Variants in GSE1 observed in about 807,000 individuals in gnomAD.
GSE1 encodes genetic suppressor element 1.
A neutral mutation model predicts 112.6 loss-of-function variants in GSE1; 32 were observed. The observed-to-expected ratio is 0.28, with a 90% CI of 0.21 to 0.38. The LOEUF (loss-of-function observed/expected upper bound fraction) is 0.38, where lower values mean the gene tolerates loss of function less well. Among genes scored for constraint, GSE1 ranks in the 10% least tolerant of loss-of-function variants. The pLI, the probability that GSE1 is intolerant of heterozygous loss-of-function variation, is 1.00. For synonymous variants in GSE1, 1,115 were observed against 735.6 expected (o/e 1.52, Z -8.35); for missense variants, 2,348 against 1,699.2 (o/e 1.38, Z -6.71).
At chr16:85,257,391 A>G (rs555539500) in intron 1 of GSE1, among the ~76,000 whole-genome samples, 7 of 152,262 alleles carry the variant, frequency 4.6e-5, no homozygotes, top group South Asian at 2.1e-4. Context: ...GATTACAGGC[A>G]TGAGCCACCA....
intron 1 of GSE1, among the ~76,000 whole-genome samples, chr16:85,201,430 G>A (rs56075025): frequency 0.41 from 62,336 of 150,526 alleles, 13,260 homozygotes; most frequent in Middle Eastern, 0.5. Flanking sequence ...CGCCGAGGGC[G>A]GTGGATTGCT....
At chr16:85,431,112 C>T (rs984671771) in intron 2 of GSE1, among the ~76,000 whole-genome samples, 19 of 152,242 alleles carry the variant, frequency 1.2e-4, no homozygotes, top group African/African-American at 4.1e-4. Context: ...TCAAGCCCTC[C>T]TGAGCTTGGC....
chr16:85,222,496 C>A (rs1008713261), intron 1 of GSE1, among the ~76,000 whole-genome samples: 3 of 152,208 alleles, frequency 2.0e-5, no homozygotes, highest in African/African-American at 7.2e-5. Flanking sequence ...CGGTTCACAC[C>A]AGGCCACCAG....
chr16:85,455,403 GAA>G (rs1491538706), intron 2 of GSE1, among the ~76,000 whole-genome samples: 56 of 150,948 alleles, frequency 3.7e-4, no homozygotes, highest in African/African-American at 1.2e-3. Flanking sequence ...GAGAGAGAGA[GAA>G]AGAAAGAAAA....
rs543641496 is a variant in GSE1, at chr16:85,501,029, G to A, written c.2465-132885G>A. 1.0e-4 allele frequency among the ~76,000 whole-genome samples: 10 copies of A among 100,014 alleles called. No individual in the cohort carries two copies. In the South Asian group the frequency reaches 1.4e-3, roughly 14 times the overall value. 65.6% of individuals were successfully genotyped at this position (100,014 alleles called of 152,430 possible). ...TTTTTTTTTTTTTTTTTTTTGAGACGGAGTCTCACTCTGTTGCCCAGGCTG... is the reference window on the plus strand; with the variant it reads ...TTTTTTTTTTTTTTTTTTTTGAGACAGAGTCTCACTCTGTTGCCCAGGCTG... On this transcript the variant is annotated intron_variant, in intron 2 of 2. Coordinates refer to the GSE1 transcript ENST00000637419.
chr16:85,178,778 G>A (rs947849278), intron 1 of GSE1, among the ~76,000 whole-genome samples: 9 of 151,364 alleles, frequency 5.9e-5, no homozygotes, highest in African/African-American at 1.5e-4. Flanking sequence ...CAGAGTGGCC[G>A]GAGAGAGGGG....
chr16:85,525,259 C>A (rs369189219), intron 2 of GSE1, among the ~76,000 whole-genome samples: 72 of 152,152 alleles, frequency 4.7e-4, no homozygotes, highest in African/African-American at 1.5e-3. Context: ...GTCCCCCCCC[C>A]ACTGATGGTG....
chr16:85,663,056 C>G lies in GSE1; in HGVS notation c.2336C>G (p.Ala779Gly). 1 of 1,612,634 alleles carries G rather than the reference C, an allele frequency of 6.2e-7. No homozygotes were observed. The highest frequency in any genetic ancestry group is 8.5e-7 in the Non-Finnish European group (1 of 1,179,444). Reference sequence around the variant, plus strand: ...GTCAGGGCCCACCTCCGTTGCGTGGCCGAGCAGCCGCCCCTCAAACTGGAC... The same window carrying G: ...GTCAGGGCCCACCTCCGTTGCGTGGGCGAGCAGCCGCCCCTCAAACTGGAC... ...EEVRAHLRCVAEQPPLKLDTS... is the reference protein window; with the variant it reads ...EEVRAHLRCVGEQPPLKLDTS... The change falls in exon 10 of 16, where the codon GCC (alanine) becomes GGC (glycine). Residue 779 changes from alanine to glycine, a missense_variant. By Grantham distance (60) the Ala-to-Gly change is moderately conservative (BLOSUM62 0). Coordinates refer to ENST00000253458, the MANE Select transcript of GSE1 (RefSeq NM_014615.5).
chr16:85,452,919 C>G (rs1331259666), intron 2 of GSE1, among the ~76,000 whole-genome samples: 1 of 152,122 alleles, frequency 6.6e-6, no homozygotes, highest in African/African-American at 2.4e-5. Flanking sequence ...CTCGGTGCCT[C>G]CAACCCCACC....
At chr16:85,480,296 G>A (rs1177249280) in intron 2 of GSE1, among the ~76,000 whole-genome samples, 3 of 152,244 alleles carry the variant, frequency 2.0e-5, no homozygotes, top group Non-Finnish European at 4.4e-5. Context: ...GGAAATTCCA[G>A]GGCCCCATTG....
intron 1 of GSE1, among the ~76,000 whole-genome samples, chr16:85,356,445 T>C (rs1449013229): frequency 6.6e-6 from 1 of 151,858 alleles, no homozygotes; most frequent in Non-Finnish European, 1.5e-5. Flanking sequence ...CCCAGGAGGG[T>C]CCCACCAGTT....
chr16:85,199,472 A>G (rs1437715021), intron 1 of GSE1, among the ~76,000 whole-genome samples: 3 of 152,154 alleles, frequency 2.0e-5, no homozygotes, highest in African/African-American at 7.2e-5. Flanking sequence ...GTTTATTTTA[A>G]AATGTAAACA....
intron 2 of GSE1, among the ~76,000 whole-genome samples, chr16:85,525,317 C>T (rs1332168723): frequency 6.6e-6 from 1 of 152,114 alleles, no homozygotes; most frequent in Non-Finnish European, 1.5e-5. Flanking sequence ...GATCAACACC[C>T]CTCTGTTAGC....
intron 1 of GSE1, among the ~76,000 whole-genome samples, chr16:85,267,687 A>G (rs1448136595): frequency 2.0e-5 from 3 of 152,012 alleles, no homozygotes; most frequent in Non-Finnish European, 4.4e-5. Flanking sequence ...GAACACATCC[A>G]AGCTTTCCCT....
chr16:85,492,094 C>T (rs1161467057), intron 2 of GSE1, among the ~76,000 whole-genome samples: 13 of 152,210 alleles, frequency 8.5e-5, no homozygotes, highest in Non-Finnish European at 1.9e-4. Flanking sequence ...ACGCCCGCCC[C>T]TCCGAGGCAG....
chr16:85,564,152 T>C (rs2045640668), intron 1 of GSE1, among the ~76,000 whole-genome samples: 1 of 152,208 alleles, frequency 6.6e-6, no homozygotes. Flanking sequence ...TGGAAACTCT[T>C]AGAAGCATCC....
At chr16:85,641,351 C>A (rs985782639) in intron 2 of GSE1, among the ~76,000 whole-genome samples, 1 of 152,358 alleles carries the variant, frequency 6.6e-6, no homozygotes, top group African/African-American at 2.4e-5. Context: ...CCGCACCTCC[C>A]GCTGTCAGTT....
intron 1 of GSE1, among the ~76,000 whole-genome samples, chr16:85,348,786 G>T (rs1325463759): frequency 1.3e-5 from 2 of 152,164 alleles, no homozygotes; most frequent in Non-Finnish European, 2.9e-5. Flanking sequence ...CCGTCACCTG[G>T]CCAAACTTGA....
intron 1 of GSE1, among the ~76,000 whole-genome samples, chr16:85,330,905 C>G (rs1042694475): frequency 2.6e-5 from 4 of 152,132 alleles, no homozygotes; most frequent in African/African-American, 2.4e-5. Context: ...GTGGGAATCA[C>G]TCTTGTCTTG....
Sources: gnomAD v4.1 joint callset for allele counts (sites outside exome capture counted in the v4.1 genomes callset) on GRCh38, gnomAD v4.1.1 for gene constraint, MANE v1.5 for transcripts, NCBI Gene and HGNC (gene_info 2026-07-23, HGNC 2026-07-21) for gene names.